SLC36A1: variants seen among roughly 807,000 people sequenced by gnomAD.
SLC36A1 encodes the protein proton-coupled amino acid transporter 1.
A neutral mutation model predicts 47.5 loss-of-function variants in SLC36A1; 30 were observed. That is an observed-to-expected ratio of 0.63 (90% CI 0.47 to 0.86). The LOEUF (loss-of-function observed/expected upper bound fraction) is 0.86, where lower values mean the gene tolerates loss of function less well. SLC36A1 is among the 40% of genes least tolerant of loss of function. The probability of loss-of-function intolerance (pLI) is 0.00; values close to 1 mark genes in which losing one functional copy is unlikely to be tolerated. For missense variants in SLC36A1, 517 were observed against 606.0 expected (o/e 0.85, Z 1.54); for synonymous variants, 255 against 249.7 (o/e 1.02, Z -0.20).
the SLC36A1 span, chr5:151,507,631 A>G: frequency 2.1e-6 from 3 of 1,442,604 alleles, no homozygotes; most frequent in African/African-American, 4.4e-5. Flanking sequence ...CAGAGTAGTC[A>G]GGGGGCCAAG....
chr5:151,424,295 C>G, the SLC36A1 span, among the ~76,000 whole-genome samples: 4 of 152,178 alleles, frequency 2.6e-5, no homozygotes, highest in Non-Finnish European at 5.9e-5. Flanking sequence ...AAGTGTGCAG[C>G]AACTTCAGAG....
At chr5:151,362,530 A>G in the SLC36A1 span, among the ~76,000 whole-genome samples, 1 of 151,842 alleles carries the variant, frequency 6.6e-6, no homozygotes, top group East Asian at 1.9e-4. Context: ...AGCTGGGACT[A>G]TAGGCACATG....
the SLC36A1 span, among the ~76,000 whole-genome samples, chr5:151,386,831 C>G: frequency 6.6e-6 from 1 of 152,218 alleles, no homozygotes; most frequent in African/African-American, 2.4e-5. Context: ...CTCTGTGAGG[C>G]ATGTTCAAAT....
chr5:151,429,949 C>T, the SLC36A1 span, among the ~76,000 whole-genome samples: 4 of 152,056 alleles, frequency 2.6e-5, no homozygotes, highest in African/African-American at 9.7e-5. Context: ...CAACGATACT[C>T]ATTCTCAAAA....
At chr5:151,520,304 T>C in the SLC36A1 span, among the ~76,000 whole-genome samples, 1 of 152,214 alleles carries the variant, frequency 6.6e-6, no homozygotes, top group African/African-American at 2.4e-5. Context: ...TGGGTGAGTC[T>C]TGGAGTGCCT....
At chr5:151,370,509 T>G in the SLC36A1 span, among the ~76,000 whole-genome samples, 3 of 152,212 alleles carry the variant, frequency 2.0e-5, no homozygotes, top group South Asian at 6.2e-4. Flanking sequence ...CACTTCCTCA[T>G]ATCCACCTTG....
chr5:151,459,750 AC>A (rs1755230255), intron 2 of SLC36A1: 1 of 152,168 alleles, frequency 6.6e-6, no homozygotes, highest in South Asian at 2.1e-4. Context: ...AGTGTGACTT[AC>A]TGAGAGATCC....
chr5:151,468,710 C>G (rs796627560), intron 7 of SLC36A1, among the ~76,000 whole-genome samples: 71 of 152,028 alleles, frequency 4.7e-4, no homozygotes, highest in African/African-American at 1.7e-3. Context: ...ATCGCCCCCC[C>G]ACCCAGGGGG....
intron 10 of SLC36A1, among the ~76,000 whole-genome samples, chr5:151,482,329 G>A (rs1197990626): frequency 6.6e-6 from 1 of 151,970 alleles, no homozygotes; most frequent in Non-Finnish European, 1.5e-5. Flanking sequence ...GTCCTCAACT[G>A]TAAGATAGGA....
intron 1 of SLC36A1, 55 bp from the exon 2 acceptor site, chr5:151,458,733 A>C: frequency 6.3e-7 from 1 of 1,575,980 alleles, no homozygotes; most frequent in Non-Finnish European, 8.7e-7. Context: ...CACCCCAAAT[A>C]TGGAGCTAAA....
chr5:151,356,837 C>T, the SLC36A1 span, among the ~76,000 whole-genome samples: 2 of 152,108 alleles, frequency 1.3e-5, no homozygotes, highest in South Asian at 2.1e-4. Flanking sequence ...CTAACATTTC[C>T]CTTCAACCTG....
chr5:151,387,019 G>T, the SLC36A1 span: 1 of 152,280 alleles, frequency 6.6e-6, no homozygotes, highest in Non-Finnish European at 1.5e-5. Flanking sequence ...CTGGGGCCTG[G>T]TGGAGGGACA....
At chr5:151,446,008 A>C (rs1752896049), upstream of SLC36A1, among the ~76,000 whole-genome samples, 1 of 150,482 alleles carries the variant, frequency 6.6e-6, no homozygotes, top group Non-Finnish European at 1.5e-5. Flanking sequence ...TCTTCTTTTA[A>C]CTTTGGGTCT....
rs1166217765 is a variant in SLC36A1, at chr5:151,488,395, C to A, written c.*141C>A. ...AACCCCTCTGCCTGGCACCTGGATA[C>A]CCTGGGCCAGGTAACCTGAGGGCAG... On this transcript the variant is annotated 3_prime_UTR_variant, in exon 11 of 11. Coordinates refer to ENST00000243389, the MANE Select transcript of SLC36A1 (RefSeq NM_078483.4). The A allele has an allele frequency of 6.1e-6, 7 of 1,144,910 alleles. No individual in the cohort carries two copies. Among genetic ancestry groups the A allele is most frequent in the Non-Finnish European group, 8.5e-6 (7 of 823,572 alleles). 70.9% of individuals were successfully genotyped at this position (1,144,910 alleles called of 1,614,324 possible).
the SLC36A1 span, chr5:151,511,865 GCA>G: frequency 2.5e-6 from 1 of 405,688 alleles, no homozygotes; most frequent in Non-Finnish European, 4.5e-6. Flanking sequence ...AGGAGACTGT[GCA>G]TAGACCAGTG....
At chr5:151,484,019 A>G (rs1242568816) in intron 10 of SLC36A1, among the ~76,000 whole-genome samples, 3 of 152,218 alleles carry the variant, frequency 2.0e-5, no homozygotes, top group Non-Finnish European at 4.4e-5. Flanking sequence ...ACAAGTTTTT[A>G]GATTACTTAT....
chr5:151,544,767 G>A, the SLC36A1 span: 2 of 1,614,192 alleles, frequency 1.2e-6, no homozygotes, highest in South Asian at 1.1e-5. Context: ...CCCCAAGATA[G>A]GGGTCAATTC....
the SLC36A1 span, among the ~76,000 whole-genome samples, chr5:151,347,897 C>G: frequency 6.6e-6 from 1 of 151,996 alleles, no homozygotes; most frequent in Non-Finnish European, 1.5e-5. Context: ...AGGAATCTGC[C>G]CGAGGTCAGA....
chr5:151,484,189 A>T (rs1483266138), intron 10 of SLC36A1, among the ~76,000 whole-genome samples: 1 of 152,036 alleles, frequency 6.6e-6, no homozygotes, highest in Non-Finnish European at 1.5e-5. Context: ...CTAGGTCAGT[A>T]TGGGAGAGGG....
Sources: allele counts gnomAD v4.1 joint callset (sites outside exome capture counted in the v4.1 genomes callset), GRCh38; gene constraint gnomAD v4.1.1; transcripts MANE v1.5; gene names NCBI Gene and HGNC (gene_info 2026-07-23, HGNC 2026-07-21).